Variants in AGFG2 observed in about 807,000 individuals in gnomAD.
AGFG2 encodes ArfGAP with FG repeats 2, also known as arf-GAP domain and FG repeat-containing protein 2.
Under a neutral mutation model 48.0 loss-of-function variants are expected in AGFG2, and 31 were observed. The observed-to-expected ratio is 0.65, with a 90% CI of 0.49 to 0.87. The LOEUF is 0.87. Among genes scored for constraint, AGFG2 ranks in the 40% least tolerant of loss-of-function variants. AGFG2 has a pLI of 0.00. For synonymous variants in AGFG2, 229 were observed against 260.8 expected, an observed-to-expected ratio of 0.88 and a Z score of 1.18; for missense variants, 599 against 632.6, an observed-to-expected ratio of 0.95 and a Z score of 0.57.
intron 3 of AGFG2, among the ~76,000 whole-genome samples, 197 bp from the exon 4 acceptor site, chr7:100,553,150 C>CA (rs1221330906): frequency 1.3e-5 from 2 of 151,906 alleles, no homozygotes; most frequent in African/African-American, 4.8e-5. Flanking sequence ...GACCCTGTCT[C>CA]AAAAAAACCA....
intron 6 of AGFG2, among the ~76,000 whole-genome samples, chr7:100,558,382 A>G (rs1234070692): frequency 6.6e-6 from 1 of 152,098 alleles, no homozygotes; most frequent in African/African-American, 2.4e-5. Context: ...GGAATTGTAC[A>G]TTGGTGCAGG....
chr7:100,547,431 A>G (rs1290123472), intron 1 of AGFG2, among the ~76,000 whole-genome samples: 2 of 151,818 alleles, frequency 1.3e-5, no homozygotes, highest in Non-Finnish European at 2.9e-5. Flanking sequence ...ATGAGAGTAA[A>G]AGTCTGAAGA....
At chr7:100,559,754 G>A (rs1057130256) in intron 6 of AGFG2, among the ~76,000 whole-genome samples, 1 of 151,596 alleles carries the variant, frequency 6.6e-6, no homozygotes, top group African/African-American at 2.4e-5. Flanking sequence ...GAAGGTCGAG[G>A]CTGCAGTGAG....
In AGFG2 at chr7:100,554,011, C is replaced by T. The variant is rs73711124; in HGVS notation, c.586-82C>T. 1.2e-3 allele frequency: 1,850 copies of T among 1,518,548 alleles called. 28 individuals are homozygous for T. In the African/African-American group the frequency reaches 0.021, roughly 17 times the overall value. 94.1% of individuals were successfully genotyped at this position (1,518,548 alleles called of 1,614,324 possible). A position where few individuals can be genotyped will look rare whatever the true frequency, so the allele number is the denominator to read the frequency against. Reference sequence around the variant, plus strand: ...CTGTCTTCTCTCTCTACCTGCCTATCTGAGGGCAACCTGGGGAGCCAGAGG... The same window carrying T: ...CTGTCTTCTCTCTCTACCTGCCTATTTGAGGGCAACCTGGGGAGCCAGAGG... On this transcript the variant is annotated intron_variant, in intron 4 of 11. Transcript: ENST00000300176.
intron 11 of AGFG2, among the ~76,000 whole-genome samples, chr7:100,564,555 T>C (rs1395146239): frequency 6.6e-6 from 1 of 150,968 alleles, no homozygotes; most frequent in Non-Finnish European, 1.5e-5. Context: ...CCTCACTCTG[T>C]CTCCCAGGCC....
At chr7:100,560,978 ATT>A (rs1167654964) in intron 6 of AGFG2, among the ~76,000 whole-genome samples, 3 of 135,696 alleles carry the variant, frequency 2.2e-5, no homozygotes, top group African/African-American at 5.5e-5. Context: ...TGCCTGGCTA[ATT>A]TTTTTTTTTT....
chr7:100,553,226 A>C lies in AGFG2; in HGVS notation c.432-121A>C. ...CTAAGTTGCTCGGTTCCCTTCAAAA[A>C]AGGGAATCAGTAGAGAAAAATGAGC... On this transcript the variant is annotated intron_variant, in intron 3 of 11. Transcript: ENST00000300176. 7.9e-7 allele frequency: 1 copy of C among 1,270,620 alleles called. No homozygotes were observed. Among genetic ancestry groups the C allele is most frequent in the Non-Finnish European group, 1.1e-6 (1 of 895,870 alleles). 78.7% of individuals were successfully genotyped at this position (1,270,620 alleles called of 1,614,324 possible). A position where few individuals can be genotyped will look rare whatever the true frequency, so the allele number is the denominator to read the frequency against.
intron 1 of AGFG2, among the ~76,000 whole-genome samples, chr7:100,541,740 G>C (rs1584378320): frequency 6.7e-6 from 1 of 150,342 alleles, no homozygotes; most frequent in Non-Finnish European, 1.5e-5. Flanking sequence ...TCTCCAGTCT[G>C]GGTCGCAGAG....
chr7:100,563,710 C>G, intron 9 of AGFG2, 124 bp from the exon 10 acceptor site: 1 of 1,401,362 alleles, frequency 7.1e-7, no homozygotes, highest in South Asian at 1.2e-5. Flanking sequence ...ATGGCTGGGT[C>G]CCTCGTTCCT....
intron 6 of AGFG2, among the ~76,000 whole-genome samples, chr7:100,561,283 T>C (rs1800865293): frequency 6.6e-6 from 1 of 152,086 alleles, no homozygotes; most frequent in Non-Finnish European, 1.5e-5. Flanking sequence ...CCTGCCACCA[T>C]GCCTGGCTAA....
At chr7:100,559,684 G>A (rs1800823747) in intron 6 of AGFG2, among the ~76,000 whole-genome samples, 1 of 152,158 alleles carries the variant, frequency 6.6e-6, no homozygotes, top group South Asian at 2.1e-4. Context: ...TGGCCATAGT[G>A]GTGCGTGCCT....
At chr7:100,541,717 C>T (rs973165806) in intron 1 of AGFG2, among the ~76,000 whole-genome samples, 3 of 148,344 alleles carry the variant, frequency 2.0e-5, no homozygotes, top group African/African-American at 5.0e-5. Flanking sequence ...GAGCCGAGAT[C>T]GCACCACTGC....
rs1355275428 is a variant in AGFG2 at position 100,565,964 on chromosome 7, T to C, written c.*973T>C. 1 of 151,780 alleles carries C rather than the reference T, an allele frequency of 6.6e-6. No individual in the cohort carries two copies. The highest frequency in any genetic ancestry group is 6.6e-5 in the Admixed American group (1 of 15,186). 9.4% of individuals were successfully genotyped at this position (151,780 alleles called of 1,614,324 possible). A position where few individuals can be genotyped will look rare whatever the true frequency, so the allele number is the denominator to read the frequency against. On this transcript the variant is annotated 3_prime_UTR_variant, in exon 12 of 12. Coordinates refer to ENST00000300176, the MANE Select transcript of AGFG2 (RefSeq NM_006076.5). ...GCACCAAAGCTCATTGCAGGCAATGTTGGAAAAGAACTGCATTTGAACGAA... is the reference window on the plus strand; with the variant it reads ...GCACCAAAGCTCATTGCAGGCAATGCTGGAAAAGAACTGCATTTGAACGAA...
In AGFG2 at chr7:100,539,492, A is replaced by G; in HGVS notation, c.146A>G (p.Glu49Gly). ...CAGGCCGGGAACCGCCACTGCTTCG[A>G]GTGCGCCCAGCGCGGGGTCACCTAC... Reference protein sequence around the residue: ...CSQAGNRHCFECAQRGVTYVD... With the variant: ...CSQAGNRHCFGCAQRGVTYVD... Residue 49 changes from glutamate to glycine, a missense_variant, in exon 1 of 12, where the codon GAG (glutamate) becomes GGG (glycine). By Grantham distance (98) the Glu-to-Gly change is moderately conservative (BLOSUM62 -2). Transcript: ENST00000300176. 1 of 1,317,286 alleles carries G rather than the reference A, an allele frequency of 7.6e-7. No homozygotes were observed. The highest frequency in any genetic ancestry group is 9.7e-7 in the Non-Finnish European group (1 of 1,027,098). 81.6% of individuals were successfully genotyped at this position (1,317,286 alleles called of 1,614,324 possible). A position where few individuals can be genotyped will look rare whatever the true frequency, so the allele number is the denominator to read the frequency against.
At chr7:100,554,477 A>G (rs1350666215) in intron 5 of AGFG2, among the ~76,000 whole-genome samples, 1 of 152,192 alleles carries the variant, frequency 6.6e-6, no homozygotes, top group Non-Finnish European at 1.5e-5. Flanking sequence ...GGCTCCTAGC[A>G]CTTCCTTTTA....
At chr7:100,551,462 C>A (rs1800643328) in intron 3 of AGFG2, among the ~76,000 whole-genome samples, 1 of 151,630 alleles carries the variant, frequency 6.6e-6, no homozygotes. Context: ...GCCTTGGCCT[C>A]GCAAAGTGCT....
At position 100,562,486 on chromosome 7, in the gene AGFG2, T is replaced by C. The variant is rs11760595; in HGVS notation, c.998+107T>C. The C allele has an allele frequency of 0.1, 162,321 of 1,598,056 alleles. 8,873 individuals are homozygous for C. The highest frequency in any genetic ancestry group is 0.18 in the East Asian group (7,966 of 44,482). On this transcript the variant is annotated intron_variant, in intron 7 of 11. Transcript: ENST00000300176. This position sits in a 1 kb window ranked among gnomAD's most constrained non-coding sequence, Gnocchi z 5.4. ...ATCTCCTGGCAGTTCTCCCCTCCCC[T>C]CCTCTCCCTTACTCACCCTGGAGAG... is the stretch of plus-strand genomic sequence containing the variant.
intron 1 of AGFG2, among the ~76,000 whole-genome samples, chr7:100,544,554 C>A (rs916520248): frequency 2.6e-5 from 4 of 152,154 alleles, no homozygotes; most frequent in African/African-American, 9.6e-5. Flanking sequence ...TGTTTTAGTC[C>A]CATCCCTCCA....
intron 6 of AGFG2, 141 bp downstream of exon 6, chr7:100,555,876 T>A (rs1252636140): frequency 8.4e-7 from 1 of 1,189,396 alleles, no homozygotes; most frequent in Non-Finnish European, 1.2e-6. Context: ...CAGGAGAGGA[T>A]GAGCGTGTCT....
Sources: gnomAD v4.1 joint callset for allele counts (sites outside exome capture counted in the v4.1 genomes callset) on GRCh38, gnomAD v4.1.1 for gene constraint, Gnocchi (gnomAD v3.1) non-coding constraint, MANE v1.5 for transcripts, NCBI Gene and HGNC (gene_info 2026-07-23, HGNC 2026-07-21) for gene names.